Variants in MRC1 observed in about 807,000 individuals in gnomAD.
MRC1 encodes macrophage mannose receptor 1.
A neutral mutation model predicts 102.9 loss-of-function variants in MRC1; 62 were observed. That is an observed-to-expected ratio of 0.60 (90% CI 0.49 to 0.74). MRC1 has a LOEUF of 0.74. MRC1 is among the 30% of genes least tolerant of loss of function. MRC1 has a pLI of 0.00. For missense variants in MRC1, 1,237 were observed against 862.8 expected, an observed-to-expected ratio of 1.43 and a Z score of -5.43; for synonymous variants, 457 against 298.4, an observed-to-expected ratio of 1.53 and a Z score of -5.48.
chr10:17,829,382 A>G (rs1554838885), intron 3 of MRC1, among the ~76,000 whole-genome samples: 1 of 151,404 alleles, frequency 6.6e-6, no homozygotes, highest in East Asian at 1.9e-4. Context: ...TCTGAGCCCC[A>G]TATACTATTG....
intron 14 of MRC1, 50 bp from the exon 15 acceptor site, chr10:17,871,932 T>C (rs1833360159): frequency 2.6e-6 from 2 of 767,440 alleles, no homozygotes; most frequent in African/African-American, 3.4e-5. Context: ...ATGATTGGCA[T>C]TGGCTTGATA....
At chr10:17,818,915 G>T (rs1357704465) in intron 1 of MRC1, among the ~76,000 whole-genome samples, 1 of 152,198 alleles carries the variant, frequency 6.6e-6, no homozygotes, top group Non-Finnish European at 1.5e-5. Context: ...AGAGTTTGAG[G>T]AGCTGAAAGG....
intron 2 of MRC1, among the ~76,000 whole-genome samples, chr10:17,824,057 CTATT>C (rs1313690216): frequency 2.6e-5 from 4 of 152,148 alleles, no homozygotes; most frequent in Non-Finnish European, 1.5e-5. Flanking sequence ...AATATGCAGT[CTATT>C]TAGTTAGCCA....
intron 22 of MRC1, among the ~76,000 whole-genome samples, chr10:17,892,878 C>G (rs1001087990): frequency 6.6e-6 from 1 of 151,900 alleles, no homozygotes; most frequent in Non-Finnish European, 1.5e-5. Context: ...GGCGTGGTGG[C>G]ACACGCCTGT....
intron 2 of MRC1, among the ~76,000 whole-genome samples, chr10:17,824,867 A>G (rs1013085757): frequency 2.3e-4 from 35 of 152,220 alleles, no homozygotes; most frequent in African/African-American, 7.7e-4. Context: ...TTTGAGACAA[A>G]TATACATAGG....
intron 10 of MRC1, among the ~76,000 whole-genome samples, chr10:17,863,199 T>A (rs1223767798): frequency 6.6e-6 from 1 of 152,222 alleles, no homozygotes; most frequent in East Asian, 1.9e-4. Flanking sequence ...AAACATTGTA[T>A]TTTAAAATGC....
chr10:17,870,354 A>G lies in MRC1; in HGVS notation c.2092A>G (p.Thr698Ala). ...ASINNKEEQQ[T>A]IWRLITASGS... ...CATCAATAACAAAGAGGAACAGCAA[A>G]CAATATGGCGATTAATAACGTAAGT... The change falls in exon 13 of 30, where the codon ACA becomes GCA. Residue 698 changes from threonine to alanine, a missense_variant. Physicochemically the swap from Thr to Ala is moderately conservative, Grantham distance 58. Coordinates refer to ENST00000569591, the MANE Select transcript of MRC1 (RefSeq NM_002438.4). 1 of 780,386 alleles carries G rather than the reference A, an allele frequency of 1.3e-6. No individual in the cohort carries two copies. The allele number at this position is 780,386 out of a possible 1,614,324, so 48.3% of individuals were successfully genotyped here. A position where few individuals can be genotyped will look rare whatever the true frequency, so the allele number is the denominator to read the frequency against.
chr10:17,849,814 C>A (rs1470926507), intron 7 of MRC1, 50 bp downstream of exon 7: 3 of 734,648 alleles, frequency 4.1e-6, no homozygotes, highest in Non-Finnish European at 7.6e-6. Flanking sequence ...CTGGGAGCAC[C>A]CCTTTCTACC....
intron 4 of MRC1, among the ~76,000 whole-genome samples, chr10:17,838,845 A>T (rs1356979445): frequency 6.6e-6 from 1 of 152,198 alleles, no homozygotes; most frequent in Non-Finnish European, 1.5e-5. Flanking sequence ...GTGTCTGGAA[A>T]CAAAACAAAC....
chr10:17,906,037 C>A (rs1833890286), intron 26 of MRC1, among the ~76,000 whole-genome samples: 1 of 152,172 alleles, frequency 6.6e-6, no homozygotes, highest in African/African-American at 2.4e-5. Flanking sequence ...TGTGGGTTGT[C>A]ACTTCCATAG....
intron 15 of MRC1, among the ~76,000 whole-genome samples, chr10:17,873,184 A>G (rs2130679539): frequency 1.3e-5 from 2 of 152,344 alleles, no homozygotes; most frequent in East Asian, 3.9e-4. Flanking sequence ...AACTAATTGG[A>G]AAGAAAAATA....
At chr10:17,870,087 C>G (rs1833333453) in intron 12 of MRC1, among the ~76,000 whole-genome samples, 159 bp from the exon 13 acceptor site, 1 of 152,154 alleles carries the variant, frequency 6.6e-6, no homozygotes, top group Admixed American at 6.5e-5. Flanking sequence ...CAACTATTCA[C>G]TCATAAACTG....
chr10:17,856,206 A>T, intron 8 of MRC1, 36 bp from the exon 9 acceptor site: 1 of 809,516 alleles, frequency 1.2e-6, no homozygotes, highest in Admixed American at 2.0e-5. Flanking sequence ...CAAACTGATA[A>T]TCCTTTATTT....
intron 15 of MRC1, among the ~76,000 whole-genome samples, chr10:17,873,147 C>T (rs1310363837): frequency 1.3e-5 from 2 of 152,130 alleles, no homozygotes; most frequent in Non-Finnish European, 2.9e-5. Flanking sequence ...CCTTTATCAG[C>T]TTTCAACAAA....
intron 29 of MRC1, 99 bp from the exon 30 acceptor site, chr10:17,910,116 A>G: frequency 1.3e-6 from 1 of 763,502 alleles, no homozygotes; most frequent in Admixed American, 1.8e-5. Context: ...GCTTGAAAGA[A>G]TATTTATGCC....
Position 17,827,675 on chromosome 10 carries a change from C to G in MRC1, c.597C>G (p.Asp199Glu). ...GGCTCTGGTGCGGAACCACTACTGA[C>G]TATGACACAGACAAGCTATTTGGAT... The part of the protein sequence containing the change: ...DGWLWCGTTT[D>E]YDTDKLFGYC... The change falls in exon 3 of 30, where the codon GAC becomes GAG. Residue 199 changes from aspartate (D) to glutamate (E), a missense_variant. Coordinates refer to ENST00000569591, the MANE Select transcript of MRC1 (RefSeq NM_002438.4). The G allele has an allele frequency of 1.3e-6, 1 of 780,854 alleles. No homozygotes were observed. The highest frequency in any genetic ancestry group is 2.4e-6 in the Non-Finnish European group (1 of 417,970). The allele number at this position is 780,854 out of a possible 1,614,324, so 48.4% of individuals were successfully genotyped here.
chr10:17,858,580 C>T (rs1017817198), intron 9 of MRC1, among the ~76,000 whole-genome samples: 9 of 152,134 alleles, frequency 5.9e-5, no homozygotes, highest in South Asian at 2.1e-4. Context: ...CTCCGCCTCC[C>T]GGGCTCAAGT....
intron 4 of MRC1, among the ~76,000 whole-genome samples, chr10:17,837,065 A>G (rs1554839517): frequency 6.6e-6 from 1 of 152,176 alleles, no homozygotes; most frequent in Non-Finnish European, 1.5e-5. Flanking sequence ...TTGCCCAAGC[A>G]CAGACTCATT....
intron 1 of MRC1, among the ~76,000 whole-genome samples, chr10:17,811,596 T>C (rs4748420): frequency 0.26 from 39,216 of 151,966 alleles, 6,158 homozygotes; most frequent in African/African-American, 0.44. Context: ...GGTTTCACTC[T>C]GTCACCCAGG....
Sources: allele counts gnomAD v4.1 joint callset (sites outside exome capture counted in the v4.1 genomes callset), GRCh38; gene constraint gnomAD v4.1.1; transcripts MANE v1.5; gene names NCBI Gene and HGNC (gene_info 2026-07-23, HGNC 2026-07-21).